Variants in ZBTB34 observed in about 807,000 individuals in gnomAD.
ZBTB34 encodes zinc finger and BTB domain-containing protein 34.
Under a neutral mutation model 33.4 loss-of-function variants are expected in ZBTB34, and 1 was observed. That is an observed-to-expected ratio of 0.03 (90% CI 0.01 to 0.14). ZBTB34 has a LOEUF of 0.14. Among genes scored for constraint, ZBTB34 ranks in the 10% least tolerant of loss-of-function variants. ZBTB34 has a pLI of 1.00. For synonymous variants in ZBTB34, 283 were observed against 253.5 expected (o/e 1.12, Z -1.11); for missense variants, 406 against 657.2 (o/e 0.62, Z 4.18).
intron 1 of ZBTB34, among the ~76,000 whole-genome samples, chr9:126,878,871 A>G (rs953116082): frequency 4.0e-5 from 6 of 151,872 alleles, no homozygotes; most frequent in Admixed American, 3.9e-4. Flanking sequence ...TTACAGGTGC[A>G]CAACACCACA....
intron 1 of ZBTB34, chr9:126,863,854 A>G (rs1164816823): frequency 1.2e-5 from 3 of 243,742 alleles, no homozygotes; most frequent in African/African-American, 6.9e-5. Flanking sequence ...AAGAAAGCTT[A>G]TTTTATCTGA....
At chr9:126,875,850 G>C (rs973703307) in intron 1 of ZBTB34, among the ~76,000 whole-genome samples, 1 of 152,020 alleles carries the variant, frequency 6.6e-6, no homozygotes. Context: ...AGATAACCTT[G>C]TATATCTTCC....
intron 1 of ZBTB34, among the ~76,000 whole-genome samples, chr9:126,862,768 T>A (rs1245798963): frequency 6.6e-6 from 1 of 151,500 alleles, no homozygotes; most frequent in East Asian, 1.9e-4. Context: ...CCAACTGGAG[T>A]GGGAGTTTTT....
chr9:126,877,518 T>C (rs1028456915), intron 1 of ZBTB34, among the ~76,000 whole-genome samples: 2 of 152,344 alleles, frequency 1.3e-5, no homozygotes, highest in Non-Finnish European at 2.9e-5. Flanking sequence ...GGTTTTGTTA[T>C]GTTTCTGTCA....
At chr9:126,869,325 G>A (rs1168336637) in intron 1 of ZBTB34, among the ~76,000 whole-genome samples, 1 of 151,900 alleles carries the variant, frequency 6.6e-6, no homozygotes, top group Admixed American at 6.6e-5. Flanking sequence ...AGGGTCCTGG[G>A]AAAGTCAGCT....
At chr9:126,864,607 G>T (rs928074781) in intron 1 of ZBTB34, among the ~76,000 whole-genome samples, 2 of 152,008 alleles carry the variant, frequency 1.3e-5, no homozygotes, top group Admixed American at 6.6e-5. Flanking sequence ...TTTAAATTAG[G>T]ATGAGTGCTT....
chr9:126,883,345 A>G (rs1000667830), exon 2 of ZBTB34: 1 of 167,100 alleles, frequency 6.0e-6, no homozygotes, highest in Non-Finnish European at 1.5e-5. Context: ...CGAGGTTTCC[A>G]GAGCATTCCA....
At position 126,879,936 on chromosome 9, in the gene ZBTB34, C is replaced by A; in HGVS notation, c.537C>A (p.Thr179=). Residue 179 remains threonine (T), a synonymous_variant, in exon 2 of 2, where the codon ACC becomes ACA. Coordinates refer to ENST00000319119, the Ensembl canonical transcript of ZBTB34. The surrounding 1 kb of genome is among the most constrained non-coding windows in gnomAD (Gnocchi z 6.4). ...ATTGCTCTCAGGGACGGCAGCCCAC[C>A]GCAAGCAGTGACCTCCGGATGGAGA... The A allele has an allele frequency of 6.2e-7, 1 of 1,613,222 alleles. No homozygotes were observed. The highest frequency in any genetic ancestry group is 1.1e-5 in the South Asian group (1 of 91,080).
intron 1 of ZBTB34, among the ~76,000 whole-genome samples, chr9:126,862,551 C>T (rs2033155735): frequency 6.6e-6 from 1 of 152,184 alleles, no homozygotes; most frequent in South Asian, 2.1e-4. Context: ...GAGTTAGTTA[C>T]GGCTTCTTGG....
At chr9:126,873,761 C>G (rs1017319320) in intron 1 of ZBTB34, among the ~76,000 whole-genome samples, 1 of 150,436 alleles carries the variant, frequency 6.6e-6, no homozygotes, top group East Asian at 2.0e-4. Context: ...CCCGCCACCA[C>G]GCCCAGCTAA....
intron 1 of ZBTB34, among the ~76,000 whole-genome samples, chr9:126,873,815 G>A (rs2033314822): frequency 6.6e-6 from 1 of 150,956 alleles, no homozygotes; most frequent in Non-Finnish European, 1.5e-5. Flanking sequence ...AGGTCGATCA[G>A]GCTGTTCTGG....
intron 1 of ZBTB34, among the ~76,000 whole-genome samples, chr9:126,872,707 CTG>C (rs2033296948): frequency 1.3e-5 from 2 of 152,146 alleles, no homozygotes; most frequent in Admixed American, 1.3e-4. Flanking sequence ...CTGAAATTAA[CTG>C]TAAGTTCACT....
At chr9:126,874,489 G>A (rs1165904309) in intron 1 of ZBTB34, among the ~76,000 whole-genome samples, 1 of 152,078 alleles carries the variant, frequency 6.6e-6, no homozygotes, top group African/African-American at 2.4e-5. Flanking sequence ...TGGTATCTTT[G>A]TGTGCTTAGA....
exon 2 of ZBTB34, chr9:126,882,378 A>G (rs746670195): frequency 1.8e-5 from 3 of 167,128 alleles, no homozygotes; most frequent in Non-Finnish European, 2.9e-5. Context: ...CCTCAAAAGC[A>G]TGTGCTGGCA....
chr9:126,867,126 CTTT>C (rs201393295), intron 1 of ZBTB34, among the ~76,000 whole-genome samples: 23 of 128,516 alleles, frequency 1.8e-4, no homozygotes, highest in Admixed American at 3.1e-4. Context: ...TTGGGGGTTC[CTTT>C]TTTTTTTTTT....
chr9:126,866,507 CTGGAG>C (rs2033203780), intron 1 of ZBTB34, among the ~76,000 whole-genome samples: 1 of 152,186 alleles, frequency 6.6e-6, no homozygotes. Flanking sequence ...TTCCTTCTGT[CTGGAG>C]TGTTCTTTTT....
chr9:126,874,186 C>G (rs1200179644), intron 1 of ZBTB34, among the ~76,000 whole-genome samples: 1 of 150,148 alleles, frequency 6.7e-6, no homozygotes. Flanking sequence ...GGACTACAGG[C>G]GCCCGCCACC....
intron 1 of ZBTB34, among the ~76,000 whole-genome samples, chr9:126,865,642 T>A (rs1290773508): frequency 2.0e-5 from 3 of 152,186 alleles, no homozygotes; most frequent in Admixed American, 2.0e-4. Context: ...CATTGTTGCA[T>A]TTCCTCACAG....
chr9:126,863,581 A>G (rs2033167200), intron 1 of ZBTB34: 1 of 416,370 alleles, frequency 2.4e-6, no homozygotes, highest in Admixed American at 6.4e-5. Flanking sequence ...TGTCTATTTA[A>G]TGTTTTGTAG....
Sources: gnomAD v4.1 joint callset for allele counts (sites outside exome capture counted in the v4.1 genomes callset) on GRCh38, gnomAD v4.1.1 for gene constraint, Gnocchi (gnomAD v3.1) non-coding constraint, MANE v1.5 for transcripts, NCBI Gene and HGNC (gene_info 2026-07-23, HGNC 2026-07-21) for gene names.